ZHX2: variants seen among roughly 807,000 people sequenced by gnomAD.
ZHX2 encodes zinc fingers and homeoboxes 2.
ZHX2 carries 6 observed loss-of-function variants against 21.9 expected under a neutral mutation model. The ratio of observed to expected loss-of-function variants is 0.27; its 90% CI spans 0.15 to 0.54. ZHX2 has a LOEUF of 0.54. Ranked by LOEUF, ZHX2 falls within the 20% of genes least tolerant of loss-of-function variation. The pLI is 0.95. For synonymous variants in ZHX2, 434 were observed against 437.1 expected, an observed-to-expected ratio of 0.99 and a Z score of 0.09; for missense variants, 908 against 1,090.7, an observed-to-expected ratio of 0.83 and a Z score of 2.36.
chr8:122,891,375 A>G (rs1819976277), intron 2 of ZHX2, among the ~76,000 whole-genome samples: 1 of 150,512 alleles, frequency 6.6e-6, no homozygotes, highest in Non-Finnish European at 1.5e-5. Context: ...TACCTTTGCA[A>G]AAAGCCAACT....
chr8:122,865,789 C>G (rs1819278953), intron 2 of ZHX2, among the ~76,000 whole-genome samples: 1 of 152,228 alleles, frequency 6.6e-6, no homozygotes, highest in Non-Finnish European at 1.5e-5. Context: ...CAGGTTAAGG[C>G]CCAATGATGG....
chr8:122,843,717 G>A (rs1211004300), intron 1 of ZHX2, among the ~76,000 whole-genome samples: 1 of 152,218 alleles, frequency 6.6e-6, no homozygotes, highest in Non-Finnish European at 1.5e-5. Context: ...GGAAAGAACT[G>A]TTGGCACCGG....
At chr8:122,902,900 A>G (rs897531230) in intron 2 of ZHX2, among the ~76,000 whole-genome samples, 14 of 152,130 alleles carry the variant, frequency 9.2e-5, no homozygotes, top group Non-Finnish European at 1.9e-4. Flanking sequence ...TCAGTTCCCT[A>G]ACTGTACAGA....
chr8:122,903,266 T>A (rs1172405199), intron 2 of ZHX2, among the ~76,000 whole-genome samples: 2 of 152,230 alleles, frequency 1.3e-5, no homozygotes, highest in East Asian at 3.8e-4. Flanking sequence ...ATTCTCAGAG[T>A]TCTGCCAAGA....
intron 1 of ZHX2, among the ~76,000 whole-genome samples, chr8:122,789,452 T>G (rs1385110137): frequency 6.6e-6 from 1 of 152,224 alleles, no homozygotes; most frequent in African/African-American, 2.4e-5. Flanking sequence ...AGTTTAGAAC[T>G]TATTTTCATT....
chr8:122,782,855 C>T lies in ZHX2; in HGVS notation c.-283+909C>T, dbSNP rs1817320263. Among the ~76,000 whole-genome samples, 3 of 152,236 alleles carry T rather than the reference C, an allele frequency of 2.0e-5. No homozygotes were observed. The highest frequency in any genetic ancestry group is 4.4e-5 in the Non-Finnish European group (3 of 68,038). ...GGCAGCTGGCGCTTTTCGTCTGCCC[C>T]ACAAGAGGTTAATCTTTGTTGGTGT... On this transcript the variant is annotated intron_variant, in intron 1 of 3. Transcript: ENST00000314393. This position sits in a 1 kb window ranked among gnomAD's most constrained non-coding sequence, Gnocchi z 5.3.
rs1170536264 is a variant in ZHX2, at chr8:122,828,689, G to A, written c.-282-34788G>A. Among the ~76,000 whole-genome samples, 2 of 152,232 alleles carry A rather than the reference G, an allele frequency of 1.3e-5. No homozygotes were observed. Among genetic ancestry groups the A allele is most frequent in the Non-Finnish European group, 2.9e-5 (2 of 68,044 alleles). ...TGAGAAGGGACTGCTCTGAGGGAAT[G>A]AGTGGTTCATTTAATCGCAGGTGTG... On this transcript the variant is annotated intron_variant, in intron 1 of 3. Coordinates refer to ENST00000314393, the MANE Select transcript of ZHX2 (RefSeq NM_014943.5). The surrounding 1 kb of genome is among the most constrained non-coding windows in gnomAD (Gnocchi z 5.2).
At chr8:122,914,531 C>G (rs1820553466) in intron 2 of ZHX2, among the ~76,000 whole-genome samples, 1 of 152,238 alleles carries the variant, frequency 6.6e-6, no homozygotes, top group Non-Finnish European at 1.5e-5. Context: ...GAACAAAATG[C>G]TCGCCCTGTC....
intron 1 of ZHX2, among the ~76,000 whole-genome samples, chr8:122,820,702 A>G (rs1171966796): frequency 6.6e-6 from 1 of 152,180 alleles, no homozygotes; most frequent in Non-Finnish European, 1.5e-5. Flanking sequence ...TATAAGCTGA[A>G]TAAGAATGGA....
At chr8:122,866,955 G>T (rs1485387792) in intron 2 of ZHX2, among the ~76,000 whole-genome samples, 1 of 151,544 alleles carries the variant, frequency 6.6e-6, no homozygotes, top group African/African-American at 2.4e-5. Flanking sequence ...TTCCCAAGTA[G>T]CTGGGATTAC....
chr8:122,873,034 G>A (rs1186638959), intron 2 of ZHX2, among the ~76,000 whole-genome samples: 2 of 152,224 alleles, frequency 1.3e-5, no homozygotes, highest in East Asian at 3.8e-4. Context: ...AAGGGTGCAC[G>A]GTGCCAACTG....
At chr8:122,876,481 G>C (rs1305501769) in intron 2 of ZHX2, among the ~76,000 whole-genome samples, 1 of 152,168 alleles carries the variant, frequency 6.6e-6, no homozygotes, top group Non-Finnish European at 1.5e-5. Context: ...GGGTCCGCCA[G>C]GACATTTTTG....
At chr8:122,795,345 G>A (rs1359031619) in intron 1 of ZHX2, among the ~76,000 whole-genome samples, 2 of 152,242 alleles carry the variant, frequency 1.3e-5, no homozygotes, top group African/African-American at 4.8e-5. Flanking sequence ...GCCTATCTTG[G>A]CCAACCTGCC....
intron 2 of ZHX2, among the ~76,000 whole-genome samples, chr8:122,888,520 T>C (rs1413813709): frequency 6.6e-6 from 1 of 152,176 alleles, no homozygotes; most frequent in Non-Finnish European, 1.5e-5. Flanking sequence ...TCACTCCCAT[T>C]GCCCAGGCTG....
At chr8:122,863,262 C>CT (rs144283135) in intron 1 of ZHX2, 62,226 of 138,032 alleles carry the variant, frequency 0.45, 13,904 homozygotes, top group Non-Finnish European at 0.47. Context: ...GGGCTAGGGT[C>CT]TTTTTTTTTT....
chr8:122,865,882 A>G (rs1366258519), intron 2 of ZHX2, among the ~76,000 whole-genome samples: 1 of 152,218 alleles, frequency 6.6e-6, no homozygotes, highest in Non-Finnish European at 1.5e-5. Flanking sequence ...GGCAGGGTCA[A>G]GGAAGCAATC....
At chr8:122,869,191 C>T (rs1819372006) in intron 2 of ZHX2, among the ~76,000 whole-genome samples, 1 of 152,184 alleles carries the variant, frequency 6.6e-6, no homozygotes, top group Non-Finnish European at 1.5e-5. Flanking sequence ...CTGCCTCCTT[C>T]CCAGGAGAAA....
chr8:122,825,264 A>G (rs993474639), intron 1 of ZHX2, among the ~76,000 whole-genome samples: 2 of 152,020 alleles, frequency 1.3e-5, no homozygotes, highest in African/African-American at 4.8e-5. Context: ...TGACCCCCAC[A>G]CCTTCTGTGC....
At chr8:122,847,579 G>C (rs751886081) in intron 1 of ZHX2, among the ~76,000 whole-genome samples, 10 of 152,324 alleles carry the variant, frequency 6.6e-5, no homozygotes, top group African/African-American at 1.4e-4. Context: ...GCCCAGAGCA[G>C]GTGCCCTGAC....
Sources: allele counts gnomAD v4.1 joint callset (sites outside exome capture counted in the v4.1 genomes callset), GRCh38; gene constraint gnomAD v4.1.1; non-coding constraint Gnocchi (gnomAD v3.1); transcripts MANE v1.5; gene names NCBI Gene and HGNC (gene_info 2026-07-23, HGNC 2026-07-21).